Variants in GALNT7 observed in about 807,000 individuals in gnomAD.
GALNT7 encodes the protein N-acetylgalactosaminyltransferase 7.
In GALNT7, 60 loss-of-function variants were observed where a neutral mutation model predicts 82.1. The observed-to-expected ratio is 0.73, with a 90% confidence interval of 0.59 to 0.91. The LOEUF (loss-of-function observed/expected upper bound fraction) is 0.91. Ranked by LOEUF, GALNT7 falls within the 40% of genes least tolerant of loss-of-function variation. GALNT7 has a pLI of 0.00. For synonymous variants in GALNT7, 243 were observed against 275.1 expected, an observed-to-expected ratio of 0.88 and a Z score of 1.15; for missense variants, 660 against 804.2, an observed-to-expected ratio of 0.82 and a Z score of 2.17.
chr4:173,234,992 A>G (rs1330242128), intron 1 of GALNT7, among the ~76,000 whole-genome samples: 3 of 152,160 alleles, frequency 2.0e-5, no homozygotes, highest in Non-Finnish European at 4.4e-5. Context: ...TGTGAGCCAA[A>G]TAAACCTCTT....
intron 1 of GALNT7, among the ~76,000 whole-genome samples, chr4:173,238,046 G>A (rs1734293990): frequency 6.6e-6 from 1 of 152,052 alleles, no homozygotes; most frequent in African/African-American, 2.4e-5. Flanking sequence ...GTTTAGCAGG[G>A]TTAATTTCTT....
At chr4:173,308,472 A>G (rs1253176098) in intron 8 of GALNT7, among the ~76,000 whole-genome samples, 1 of 152,180 alleles carries the variant, frequency 6.6e-6, no homozygotes, top group Non-Finnish European at 1.5e-5. Context: ...AGGAGTTTGC[A>G]TAATAAGCAA....
At chr4:173,220,564 A>G (rs2126687793) in intron 1 of GALNT7, among the ~76,000 whole-genome samples, 1 of 152,122 alleles carries the variant, frequency 6.6e-6, no homozygotes, top group African/African-American at 2.4e-5. Context: ...GGTTAGTTAC[A>G]TACGTATACA....
chr4:173,308,898 G>A (rs545702583), intron 8 of GALNT7, among the ~76,000 whole-genome samples: 14 of 152,204 alleles, frequency 9.2e-5, no homozygotes, highest in South Asian at 4.1e-4. Flanking sequence ...GGGAGACTTC[G>A]TCTCAAAAAA....
At chr4:173,231,775 T>C (rs949849511) in intron 1 of GALNT7, among the ~76,000 whole-genome samples, 17 of 152,306 alleles carry the variant, frequency 1.1e-4, no homozygotes, top group African/African-American at 3.8e-4. Flanking sequence ...ATAACTGTTA[T>C]TATTTTTGTA....
In GALNT7 at chr4:173,273,384, A is replaced by G. The variant is rs74969003; in HGVS notation, c.588-18724A>G. On this transcript the variant is annotated intron_variant, in intron 2 of 11. Coordinates refer to ENST00000265000, the MANE Select transcript of GALNT7 (RefSeq NM_017423.3). Reference sequence around the variant, plus strand: ...TTGGTCTCCATTGAAGTCTTTATGGAAAACAGCACAGTGAAACTCTTTACT... The same window carrying G: ...TTGGTCTCCATTGAAGTCTTTATGGGAAACAGCACAGTGAAACTCTTTACT... 3.7e-3 allele frequency among the ~76,000 whole-genome samples: 557 copies of G among 152,292 alleles called. 4 individuals are homozygous for G. The highest frequency in any genetic ancestry group is 0.013 in the African/African-American group (536 of 41,552).
chr4:173,298,116 A>C lies in GALNT7; in HGVS notation c.967A>C (p.Thr323Pro). 1 of 1,613,912 alleles carries C rather than the reference A, an allele frequency of 6.2e-7. No individual in the cohort carries two copies. The highest frequency in any genetic ancestry group is 1.1e-5 in the South Asian group (1 of 91,076). ...TTTGCTGCCATCAACACAATACAGAACCATTTGCACTGTGCCGCTTATAGA... is the reference window on the plus strand; with the variant it reads ...TTTGCTGCCATCAACACAATACAGACCCATTTGCACTGTGCCGCTTATAGA... ...PLVAPISKDR[T>P]ICTVPLIDVI... Residue 323 changes from threonine (T) to proline (P), a missense_variant and splice_region_variant, in exon 6 of 12, where the codon ACC (threonine) becomes CCC (proline). By Grantham distance (38) the Thr-to-Pro change is conservative. Coordinates refer to ENST00000265000, the MANE Select transcript of GALNT7 (RefSeq NM_017423.3).
At chr4:173,212,058 C>G (rs1033790295) in intron 1 of GALNT7, among the ~76,000 whole-genome samples, 3 of 152,138 alleles carry the variant, frequency 2.0e-5, no homozygotes. Context: ...TCTTCTCTTT[C>G]TTTCACATGG....
intron 8 of GALNT7, among the ~76,000 whole-genome samples, chr4:173,305,979 T>C (rs904593223): frequency 1.3e-5 from 2 of 152,210 alleles, no homozygotes; most frequent in African/African-American, 4.8e-5. Context: ...TGTAGTTTGC[T>C]TTTATAATAT....
chr4:173,187,085 G>GA (rs1227058171), intron 1 of GALNT7, among the ~76,000 whole-genome samples: 1 of 151,540 alleles, frequency 6.6e-6, no homozygotes, highest in East Asian at 1.9e-4. Context: ...TTTACATTAA[G>GA]AAAAAAAGAA....
rs1225219955 is a variant in GALNT7 at position 173,322,801 on chromosome 4, C to T, written c.*1084C>T. Reference sequence around the variant, plus strand: ...TGCAACCTGTGAAGCCAAGAGTGAACTGATGTTTCATTTATATTTTCATCC... The same window carrying T: ...TGCAACCTGTGAAGCCAAGAGTGAATTGATGTTTCATTTATATTTTCATCC... On this transcript the variant is annotated 3_prime_UTR_variant, in exon 12 of 12. Coordinates refer to ENST00000265000, the MANE Select transcript of GALNT7 (RefSeq NM_017423.3). 3.3e-5 allele frequency: 5 copies of T among 152,126 alleles called. No individual in the cohort carries two copies. Among genetic ancestry groups the T allele is most frequent in the African/African-American group, 1.2e-4 (5 of 41,414 alleles). The allele number at this position is 152,126 out of a possible 1,614,324, so 9.4% of individuals were successfully genotyped here.
chr4:173,286,721 C>T (rs980842378), intron 2 of GALNT7, among the ~76,000 whole-genome samples: 6 of 152,128 alleles, frequency 3.9e-5, no homozygotes, highest in Admixed American at 2.6e-4. Context: ...GCTTGAGTTT[C>T]GTTATGAGGT....
intron 1 of GALNT7, among the ~76,000 whole-genome samples, chr4:173,184,135 G>T (rs1034859607): frequency 1.3e-5 from 2 of 151,448 alleles, no homozygotes; most frequent in Non-Finnish European, 2.9e-5. Context: ...GGGCAGAGGG[G>T]CTCCTCACAT....
At chr4:173,188,168 A>G (rs1732514509) in intron 1 of GALNT7, among the ~76,000 whole-genome samples, 1 of 152,230 alleles carries the variant, frequency 6.6e-6, no homozygotes, top group South Asian at 2.1e-4. Context: ...AGGTATGTTT[A>G]CATTCTTAAT....
chr4:173,303,582 A>C (rs1737038505), intron 7 of GALNT7, among the ~76,000 whole-genome samples: 1 of 152,346 alleles, frequency 6.6e-6, no homozygotes, highest in South Asian at 2.1e-4. Flanking sequence ...ATCTCTTGCT[A>C]TAAATAAGGA....
rs1737748353 is a variant in GALNT7, at chr4:173,320,042, G to A, written c.1836+1483G>A. 1.3e-5 allele frequency among the ~76,000 whole-genome samples: 2 copies of A among 152,248 alleles called. No homozygotes were observed. Among genetic ancestry groups the A allele is most frequent in the South Asian group, 4.1e-4 (2 of 4,830 alleles). ...TGGTATCCCTCAATTGTGCTTTGGAGGAAAGAGCACCGAACTTCATTTTTT... is the reference window on the plus strand; with the variant it reads ...TGGTATCCCTCAATTGTGCTTTGGAAGAAAGAGCACCGAACTTCATTTTTT... On this transcript the variant is annotated intron_variant, in intron 11 of 11. Coordinates refer to ENST00000265000, the MANE Select transcript of GALNT7 (RefSeq NM_017423.3). This position sits in a 1 kb window ranked among gnomAD's most constrained non-coding sequence, Gnocchi z 4.1.
At chr4:173,170,431 C>A (rs1731822896) in intron 1 of GALNT7, among the ~76,000 whole-genome samples, 1 of 152,218 alleles carries the variant, frequency 6.6e-6, no homozygotes, top group Non-Finnish European at 1.5e-5. Flanking sequence ...ATCCCATTAT[C>A]AGCTCTTCGC....
chr4:173,307,859 A>AT (rs918137756), intron 8 of GALNT7, among the ~76,000 whole-genome samples: 2 of 152,200 alleles, frequency 1.3e-5, no homozygotes, highest in African/African-American at 4.8e-5. Context: ...GCCCAAAGTA[A>AT]TTCAAGAGTA....
intron 2 of GALNT7, among the ~76,000 whole-genome samples, chr4:173,252,977 A>G (rs1734898580): frequency 6.6e-6 from 1 of 152,168 alleles, no homozygotes; most frequent in African/African-American, 2.4e-5. Context: ...AGGTGGGCTG[A>G]TCGCATGAGT....
Sources: allele counts gnomAD v4.1 joint callset (sites outside exome capture counted in the v4.1 genomes callset), GRCh38; gene constraint gnomAD v4.1.1; non-coding constraint Gnocchi (gnomAD v3.1); transcripts MANE v1.5; gene names NCBI Gene and HGNC (gene_info 2026-07-23, HGNC 2026-07-21).